ARL14EPL: variants seen among roughly 807,000 people sequenced by gnomAD.
ARL14EPL encodes the protein ARF like GTPase 14 effector protein like.
A neutral mutation model predicts 15.9 loss-of-function variants in ARL14EPL; 17 were observed. The observed-to-expected ratio is 1.07, with a 90% CI of 0.73 to 1.60. The LOEUF is 1.60. ARL14EPL is among the 40% of genes most tolerant of loss of function. The pLI is 0.00. For missense variants in ARL14EPL, 214 were observed against 185.9 expected (o/e 1.15, Z -0.88); for synonymous variants, 78 against 63.8 (o/e 1.22, Z -1.06).
intron 3 of ARL14EPL, 143 bp downstream of exon 3, chr5:116,054,296 G>A: frequency 1.1e-6 from 1 of 948,906 alleles, no homozygotes; most frequent in Non-Finnish European, 1.4e-6. Context: ...CCATGTGTCT[G>A]GACGTTAGCA....
At position 116,049,775 on chromosome 5, in the gene ARL14EPL, A is replaced by G. The variant is rs1749336399; in HGVS notation, c.-9-1682A>G. 2.0e-5 allele frequency among the ~76,000 whole-genome samples: 3 copies of G among 152,236 alleles called. No homozygotes were observed. The South Asian group carries it at 6.2e-4, about 32-fold the overall frequency. Reference sequence around the variant, plus strand: ...TAAGAAACTCCAGCAGTGCTATAAAACACCACATATAAGTCTTTATGGCAG... The same window carrying G: ...TAAGAAACTCCAGCAGTGCTATAAAGCACCACATATAAGTCTTTATGGCAG... On this transcript the variant is annotated intron_variant, in intron 1 of 3. Coordinates refer to ENST00000686077, the MANE Select transcript of ARL14EPL (RefSeq NM_001195581.2).
intron 1 of ARL14EPL, among the ~76,000 whole-genome samples, chr5:116,044,743 C>T (rs1008735569): frequency 2.0e-5 from 3 of 152,072 alleles, no homozygotes; most frequent in African/African-American, 7.2e-5. Flanking sequence ...AGTGAGTTAA[C>T]ATTTACATCC....
chr5:116,044,937 A>T (rs757671257), intron 1 of ARL14EPL, among the ~76,000 whole-genome samples: 1 of 152,046 alleles, frequency 6.6e-6, no homozygotes, highest in Admixed American at 6.5e-5. Context: ...TTTTCATCCA[A>T]CTTAAAGGTA....
Position 116,054,070 on chromosome 5 carries a change from A to G in ARL14EPL, c.153A>G (p.Val51=). 6.5e-7 allele frequency: 1 copy of G among 1,535,880 alleles called. No homozygotes were observed. The highest frequency in any genetic ancestry group is 2.0e-5 in the Admixed American group (1 of 50,996). Residue 51 remains valine, a synonymous_variant, in exon 3 of 4, where the codon GTA becomes GTG. Transcript: ENST00000686077. ...CLAFRNPGPQ[V]ADFNPETRQQ... ...CATTTCGAAACCCTGGACCACAGGT[A>G]GCAGACTTTAATCCTGAAACAAGGC... is the stretch of plus-strand genomic sequence containing the variant.
chr5:116,034,105 G>A (rs889316645), intron 1 of ARL14EPL, among the ~76,000 whole-genome samples: 3 of 152,108 alleles, frequency 2.0e-5, no homozygotes, highest in African/African-American at 7.2e-5. Context: ...AGGATTAAAG[G>A]GGCTCTAAGC....
chr5:116,040,336 A>G (rs1021775552), intron 1 of ARL14EPL, among the ~76,000 whole-genome samples: 3 of 151,770 alleles, frequency 2.0e-5, no homozygotes, highest in Non-Finnish European at 2.9e-5. Context: ...GAATTTATAT[A>G]CAATAATAGA....
intron 3 of ARL14EPL, 90 bp downstream of exon 3, chr5:116,054,243 T>C: frequency 7.7e-7 from 1 of 1,299,416 alleles, no homozygotes; most frequent in Non-Finnish European, 1.0e-6. Context: ...CCTCTTTTTA[T>C]TATTTATTAT....
chr5:116,040,777 T>C (rs1368150310), intron 1 of ARL14EPL, among the ~76,000 whole-genome samples: 1 of 148,352 alleles, frequency 6.7e-6, no homozygotes, highest in Non-Finnish European at 1.5e-5. Flanking sequence ...GAGACCATCC[T>C]GGCTAACACG....
At chr5:116,053,766 CTTGA>C (rs1175900689) in intron 2 of ARL14EPL, among the ~76,000 whole-genome samples, 1 of 152,170 alleles carries the variant, frequency 6.6e-6, no homozygotes, top group Non-Finnish European at 1.5e-5. Flanking sequence ...TTCTATTCCC[CTTGA>C]TTGTTTTTTA....
chr5:116,051,480 A>G lies in ARL14EPL; in HGVS notation c.15A>G (p.Ser5=), dbSNP rs1296758801. MNEQ[S]EKNNSIQERH... Reference sequence around the variant, plus strand: ...AGTGATCAGAGATGAATGAACAATCAGAGAAAAACAATTCCATTCAAGAGA... The same window carrying G: ...AGTGATCAGAGATGAATGAACAATCGGAGAAAAACAATTCCATTCAAGAGA... The change falls in exon 2 of 4, where the codon TCA becomes TCG. Residue 5 remains serine, a synonymous_variant. Transcript: ENST00000686077. The G allele has an allele frequency of 1.3e-6, 2 of 1,534,628 alleles. No individual in the cohort carries two copies. The highest frequency in any genetic ancestry group is 3.9e-5 in the Admixed American group (2 of 50,940).
chr5:116,048,201 C>T (rs552130062), intron 1 of ARL14EPL, among the ~76,000 whole-genome samples: 12 of 152,288 alleles, frequency 7.9e-5, no homozygotes, highest in African/African-American at 2.9e-4. Flanking sequence ...CAATCTGACA[C>T]AATGTCAGGA....
intron 1 of ARL14EPL, among the ~76,000 whole-genome samples, chr5:116,046,163 G>T (rs977524381): frequency 6.6e-6 from 1 of 152,114 alleles, no homozygotes; most frequent in African/African-American, 2.4e-5. Flanking sequence ...TGACTCTCTT[G>T]TCTTGTATAT....
At chr5:116,045,084 C>T (rs574802360) in intron 1 of ARL14EPL, among the ~76,000 whole-genome samples, 1 of 152,252 alleles carries the variant, frequency 6.6e-6, no homozygotes, top group Admixed American at 6.5e-5. Flanking sequence ...AAACCCGATG[C>T]CCTCTGAGGC....
chr5:116,037,915 C>T (rs796088909), intron 1 of ARL14EPL, among the ~76,000 whole-genome samples: 14 of 152,216 alleles, frequency 9.2e-5, no homozygotes, highest in African/African-American at 2.6e-4. Flanking sequence ...TATACAATAG[C>T]AGGAAGAGGG....
intron 1 of ARL14EPL, among the ~76,000 whole-genome samples, chr5:116,047,323 C>T (rs1241604016): frequency 6.6e-6 from 1 of 152,182 alleles, no homozygotes; most frequent in Non-Finnish European, 1.5e-5. Context: ...CTTTCCTATT[C>T]CTTCCCCAGG....
At chr5:116,040,887 A>T (rs1433059421) in intron 1 of ARL14EPL, among the ~76,000 whole-genome samples, 1 of 145,998 alleles carries the variant, frequency 6.8e-6, no homozygotes, top group Admixed American at 7.0e-5. Flanking sequence ...AGGCTGAGGC[A>T]GGAGAATCGC....
At chr5:116,049,171 A>G (rs1430636129) in intron 1 of ARL14EPL, among the ~76,000 whole-genome samples, 2 of 152,250 alleles carry the variant, frequency 1.3e-5, no homozygotes, top group African/African-American at 4.8e-5. Context: ...TCAGATGGAA[A>G]GACTACATGG....
Position 116,053,481 on chromosome 5 carries a change from C to T in ARL14EPL, c.97-533C>T, listed in dbSNP as rs1396732958. ...ATCTGGCTTTGACTGAAAGTCGATC[C>T]TTCAGGTGGCTGAGTTCTGAATTGG... On this transcript the variant is annotated intron_variant, in intron 2 of 3. Coordinates refer to ENST00000686077, the MANE Select transcript of ARL14EPL (RefSeq NM_001195581.2). Among the ~76,000 whole-genome samples, 4 of 152,286 alleles carry T rather than the reference C, an allele frequency of 2.6e-5. No homozygotes were observed. The East Asian group carries it at 5.8e-4, about 22-fold the overall frequency.
At chr5:116,036,521 CATT>C (rs1276976047) in intron 1 of ARL14EPL, among the ~76,000 whole-genome samples, 2 of 152,146 alleles carry the variant, frequency 1.3e-5, no homozygotes, top group Non-Finnish European at 1.5e-5. Flanking sequence ...ACTTTGCAAA[CATT>C]ATTTAGACAT....
Sources: gnomAD v4.1 joint callset for allele counts (sites outside exome capture counted in the v4.1 genomes callset) on GRCh38, gnomAD v4.1.1 for gene constraint, MANE v1.5 for transcripts, NCBI Gene and HGNC (gene_info 2026-07-23, HGNC 2026-07-21) for gene names.